The following PSEN1 variants were observed in gnomAD, a reference collection of about 807,000 sequenced individuals.
PSEN1 encodes the protein presenilin-1.
In PSEN1, 15 loss-of-function variants were observed where a neutral mutation model predicts 53.5. The observed-to-expected ratio is 0.28, with a 90% CI of 0.19 to 0.43. The LOEUF (loss-of-function observed/expected upper bound fraction) is 0.43, where lower values mean the gene tolerates loss of function less well. PSEN1 is among the 20% of genes least tolerant of loss of function. The probability of loss-of-function intolerance (pLI) is 1.00; values close to 1 mark genes in which losing one functional copy is unlikely to be tolerated. For missense variants in PSEN1, 387 were observed against 571.2 expected (o/e 0.68, Z 3.29); for synonymous variants, 208 against 209.8 (o/e 0.99, Z 0.08).
intron 1 of PSEN1, among the ~76,000 whole-genome samples, chr14:73,145,724 T>G (rs149750118): frequency 6.6e-6 from 1 of 152,368 alleles, no homozygotes; most frequent in East Asian, 1.9e-4. Flanking sequence ...CATATTGTTT[T>G]TGCATCATAC....
intron 3 of PSEN1, among the ~76,000 whole-genome samples, chr14:73,161,876 C>T (rs930837276): frequency 8.6e-5 from 13 of 151,660 alleles, no homozygotes; most frequent in African/African-American, 1.7e-4. Context: ...GTTTATAGGC[C>T]GGGCGCAGTG....
At chr14:73,199,977 C>T (rs974212641) in intron 8 of PSEN1, among the ~76,000 whole-genome samples, 1 of 152,036 alleles carries the variant, frequency 6.6e-6, no homozygotes, top group Non-Finnish European at 1.5e-5. Context: ...GAACTCCTGA[C>T]TTCAGGTGAT....
chr14:73,144,672 CAT>C (rs1897021125), intron 1 of PSEN1, among the ~76,000 whole-genome samples: 1 of 152,078 alleles, frequency 6.6e-6, no homozygotes, highest in Non-Finnish European at 1.5e-5. Flanking sequence ...AAGGGAATAT[CAT>C]AAATTAGTTT....
chr14:73,178,265 G>T (rs1404215320), intron 5 of PSEN1, among the ~76,000 whole-genome samples: 4 of 146,534 alleles, frequency 2.7e-5, no homozygotes, highest in Admixed American at 2.1e-4. Context: ...TGTCACCCAG[G>T]CTGGAGTGCA....
At chr14:73,183,684 C>A (rs1305020746) in intron 5 of PSEN1, among the ~76,000 whole-genome samples, 3 of 151,846 alleles carry the variant, frequency 2.0e-5, no homozygotes, top group Non-Finnish European at 4.4e-5. Context: ...TGAAAAGTCT[C>A]CCATGTCTAC....
At chr14:73,216,979 GA>G (rs1358205023) in intron 10 of PSEN1, 146 bp from the exon 11 acceptor site, 4 of 904,272 alleles carry the variant, frequency 4.4e-6, no homozygotes, top group Non-Finnish European at 7.0e-6. Flanking sequence ...AAAAAAGAAA[GA>G]AAACACAGCT....
intron 3 of PSEN1, among the ~76,000 whole-genome samples, chr14:73,164,375 A>G (rs369880711): frequency 3.9e-5 from 6 of 152,354 alleles, no homozygotes; most frequent in South Asian, 4.1e-4. Context: ...ATGCAGTTTC[A>G]TCTGGACAAT....
intron 6 of PSEN1, among the ~76,000 whole-genome samples, chr14:73,191,136 A>C (rs1898697588): frequency 6.6e-6 from 1 of 152,238 alleles, no homozygotes; most frequent in African/African-American, 2.4e-5. Flanking sequence ...AAAATACTTA[A>C]CATTCATTGT....
chr14:73,193,558 A>T (rs1243093333), intron 7 of PSEN1, among the ~76,000 whole-genome samples: 1 of 151,350 alleles, frequency 6.6e-6, no homozygotes, highest in Non-Finnish European at 1.5e-5. Context: ...TCAAAAAAAA[A>T]AAAAAAGCAA....
chr14:73,150,440 G>A (rs1897183995), intron 3 of PSEN1, among the ~76,000 whole-genome samples: 1 of 152,128 alleles, frequency 6.6e-6, no homozygotes, highest in South Asian at 2.1e-4. Flanking sequence ...TACATAAATC[G>A]TATCGCATTA....
At chr14:73,142,850 G>A (rs1896964756) in intron 1 of PSEN1, among the ~76,000 whole-genome samples, 1 of 152,196 alleles carries the variant, frequency 6.6e-6, no homozygotes, top group Admixed American at 6.5e-5. Flanking sequence ...GTCTGATTGA[G>A]CAAGTGTCTT....
intron 5 of PSEN1, among the ~76,000 whole-genome samples, chr14:73,176,223 T>A (rs1898043561): frequency 6.6e-6 from 1 of 152,254 alleles, no homozygotes. Context: ...AAAAAGCAAG[T>A]GATATAAACC....
intron 10 of PSEN1, among the ~76,000 whole-genome samples, chr14:73,215,583 T>C (rs1030020301): frequency 1.3e-5 from 2 of 151,536 alleles, no homozygotes. Context: ...AGAGAAAATA[T>C]ATGCAAATCA....
At chr14:73,174,247 G>A (rs1203143463) in intron 5 of PSEN1, 1 of 165,982 alleles carries the variant, frequency 6.0e-6, no homozygotes, top group African/African-American at 2.4e-5. Context: ...TTTGTTTGTT[G>A]AAGCAGGGCC....
intron 1 of PSEN1, among the ~76,000 whole-genome samples, chr14:73,140,970 C>T (rs2140492484): frequency 6.6e-6 from 1 of 152,282 alleles, no homozygotes; most frequent in African/African-American, 2.4e-5. Context: ...TTCTGGGGCC[C>T]AGGCTGAAGG....
intron 3 of PSEN1, among the ~76,000 whole-genome samples, chr14:73,167,495 A>G (rs148807303): frequency 1.3e-5 from 2 of 152,322 alleles, no homozygotes; most frequent in African/African-American, 2.4e-5. Flanking sequence ...TAATCCATTC[A>G]TGAAGGCAGA....
intron 9 of PSEN1, among the ~76,000 whole-genome samples, chr14:73,209,995 C>T (rs1159657333): frequency 6.6e-6 from 1 of 152,202 alleles, no homozygotes; most frequent in Non-Finnish European, 1.5e-5. Context: ...AAAAACTCCT[C>T]CATCCTAGTT....
rs201998552 is a variant in PSEN1 at position 73,170,886 on chromosome 14, C to G, written c.177C>G (p.Ser59=). Residue 59 remains serine (S), a synonymous_variant, in exon 4 of 12, where the codon TCC becomes TCG. Transcript: ENST00000324501. ...PLSNGRPQGN[S]RQVVEQDEEE... ...CTAATGGACGACCCCAGGGTAACTC[C>G]CGGCAGGTGGTGGAGCAAGATGAGG... 2 of 1,614,158 alleles carry G rather than the reference C, an allele frequency of 1.2e-6. No individual in the cohort carries two copies. The highest frequency in any genetic ancestry group is 1.7e-6 in the Non-Finnish European group (2 of 1,180,020).
At chr14:73,214,830 G>A (rs1299392247) in intron 10 of PSEN1, among the ~76,000 whole-genome samples, 2 of 152,164 alleles carry the variant, frequency 1.3e-5, no homozygotes, top group Non-Finnish European at 2.9e-5. Context: ...AGTTTTACAA[G>A]ATGAAAAGAG....
Sources: gnomAD v4.1 joint callset for allele counts (sites outside exome capture counted in the v4.1 genomes callset) on GRCh38, gnomAD v4.1.1 for gene constraint, MANE v1.5 for transcripts, NCBI Gene and HGNC (gene_info 2026-07-23, HGNC 2026-07-21) for gene names.